The following TBPL2 variants were observed in gnomAD, a reference collection of about 807,000 sequenced individuals.
The protein encoded by TBPL2 is TATA box-binding protein-like 2.
A neutral mutation model predicts 38.2 loss-of-function variants in TBPL2; 40 were observed. The ratio of observed to expected loss-of-function variants is 1.05; its 90% confidence interval spans 0.81 to 1.36. The LOEUF is 1.36. Ranked by LOEUF, TBPL2 falls within the 40% of genes most tolerant of loss-of-function variation. The pLI is 0.00. For missense variants in TBPL2, 461 were observed against 456.7 expected (o/e 1.01, Z -0.09); for synonymous variants, 169 against 171.7 (o/e 0.98, Z 0.12).
At chr14:55,424,082 A>T in intron 6 of TBPL2, 77 bp downstream of exon 6, 1 of 994,288 alleles carries the variant, frequency 1.0e-6, no homozygotes. Context: ...ATGGTGAACA[A>T]AGGTATTTAA....
At chr14:55,439,352 G>C (rs1435252874) in intron 1 of TBPL2, among the ~76,000 whole-genome samples, 1 of 151,566 alleles carries the variant, frequency 6.6e-6, no homozygotes. Context: ...CTCCACCAGA[G>C]ACTTGACTTC....
intron 6 of TBPL2, among the ~76,000 whole-genome samples, chr14:55,417,939 A>G (rs949736576): frequency 6.6e-6 from 1 of 152,208 alleles, no homozygotes; most frequent in Non-Finnish European, 1.5e-5. Flanking sequence ...CAGGAAAATA[A>G]ATTACTTAAC....
At chr14:55,436,507 G>A in intron 2 of TBPL2, 54 bp downstream of exon 2, 1 of 1,451,810 alleles carries the variant, frequency 6.9e-7, no homozygotes, top group Non-Finnish European at 9.6e-7. Context: ...ATCGCATTCA[G>A]GAATATAAAA....
intron 6 of TBPL2, among the ~76,000 whole-genome samples, chr14:55,418,375 G>C (rs1207785840): frequency 6.6e-6 from 1 of 152,180 alleles, no homozygotes; most frequent in African/African-American, 2.4e-5. Context: ...ATACTACGTG[G>C]ATTTTCCAGT....
intron 2 of TBPL2, 108 bp from the exon 3 acceptor site, chr14:55,436,042 G>A (rs1165550982): frequency 2.9e-5 from 18 of 620,940 alleles, no homozygotes; most frequent in Admixed American, 2.6e-4. Flanking sequence ...AATTTCCTAG[G>A]GGGAGAATTA....
chr14:55,429,780 A>AG (rs1885894680), intron 4 of TBPL2, among the ~76,000 whole-genome samples: 1 of 151,108 alleles, frequency 6.6e-6, no homozygotes, highest in African/African-American at 2.4e-5. Flanking sequence ...AAAAAAAAAA[A>AG]AAAAAAAAAG....
At chr14:55,428,960 C>T (rs769939725) in exon 5 of TBPL2, 8 of 1,614,038 alleles carry the variant, frequency 5.0e-6, no homozygotes, top group South Asian at 4.4e-5. Flanking sequence ...TGCTGCAAGT[C>T]GAGACTGCTC....
intron 4 of TBPL2, among the ~76,000 whole-genome samples, chr14:55,429,720 C>G (rs372477687): frequency 1.5e-5 from 2 of 137,496 alleles, no homozygotes; most frequent in African/African-American, 2.7e-5. Flanking sequence ...GAGCTGAGAT[C>G]GCGCCATTGC....
intron 4 of TBPL2, among the ~76,000 whole-genome samples, chr14:55,432,642 A>C (rs928028339): frequency 3.9e-5 from 6 of 152,244 alleles, no homozygotes; most frequent in Admixed American, 6.5e-5. Flanking sequence ...AAACAATGTA[A>C]CTTTTTGTCA....
chr14:55,440,068 C>G (rs1886086166), intron 1 of TBPL2, among the ~76,000 whole-genome samples: 1 of 152,038 alleles, frequency 6.6e-6, no homozygotes, highest in African/African-American at 2.4e-5. Context: ...CCACTGCACT[C>G]CAGCCTGGGC....
intron 5 of TBPL2, among the ~76,000 whole-genome samples, chr14:55,426,079 C>A: frequency 6.6e-6 from 1 of 151,878 alleles, no homozygotes; most frequent in East Asian, 1.9e-4. Context: ...CCAGCCTGGC[C>A]AATATGGTAA....
intron 5 of TBPL2, among the ~76,000 whole-genome samples, chr14:55,425,876 A>G (rs1885813473): frequency 6.6e-6 from 1 of 152,190 alleles, no homozygotes; most frequent in Non-Finnish European, 1.5e-5. Flanking sequence ...GACTATAGCT[A>G]TATTGCTTGC....
chr14:55,426,871 A>G (rs183210584), intron 5 of TBPL2, among the ~76,000 whole-genome samples: 16 of 152,364 alleles, frequency 1.1e-4, no homozygotes, highest in African/African-American at 3.6e-4. Context: ...AGGGGCACCT[A>G]TTCTAGACTT....
In TBPL2 at chr14:55,426,385, T is replaced by A. The variant is rs116108354; in HGVS notation, c.957-2132A>T. 8.6e-3 allele frequency among the ~76,000 whole-genome samples: 1,307 copies of A among 152,278 alleles called. 16 individuals carry two copies. The highest frequency in any genetic ancestry group is 0.03 in the African/African-American group (1,235 of 41,544). ...GTGCCTGGTAACAAAAGGAGATACT[T>A]GTATTATTAAATGTTGACATACAAA... is the stretch of plus-strand genomic sequence containing the variant. On this transcript the variant is annotated intron_variant, in intron 5 of 6. Transcript: ENST00000247219.
intron 1 of TBPL2, among the ~76,000 whole-genome samples, chr14:55,439,278 T>TAAAA (rs34693240): frequency 1.3e-3 from 168 of 133,874 alleles, no homozygotes; most frequent in African/African-American, 3.3e-3. Flanking sequence ...TAATTAACTT[T>TAAAA]AAAAAAAAAA....
chr14:55,428,211 G>A (rs1885863112), intron 5 of TBPL2, among the ~76,000 whole-genome samples: 1 of 132,876 alleles, frequency 7.5e-6, no homozygotes, highest in Non-Finnish European at 1.5e-5. Flanking sequence ...CTCACTGCAA[G>A]CTCCACCTCC....
At chr14:55,415,496 C>T (rs893116003) in intron 6 of TBPL2, among the ~76,000 whole-genome samples, 1 of 152,168 alleles carries the variant, frequency 6.6e-6, no homozygotes, top group African/African-American at 2.4e-5. Flanking sequence ...AAATACTACG[C>T]ACTTTCATTG....
intron 6 of TBPL2, among the ~76,000 whole-genome samples, chr14:55,415,845 G>A (rs903488638): frequency 6.6e-5 from 10 of 152,198 alleles, no homozygotes; most frequent in African/African-American, 1.4e-4. Flanking sequence ...CAGCCTGGGC[G>A]ACACAGCGAG....
At chr14:55,428,916 A>G in exon 5 of TBPL2, 4 of 1,614,114 alleles carry the variant, frequency 2.5e-6, no homozygotes, top group Non-Finnish European at 3.4e-6. Flanking sequence ...CTGGCAGGGA[A>G]CCCAAGCTTC....
Sources: allele counts gnomAD v4.1 joint callset (sites outside exome capture counted in the v4.1 genomes callset), GRCh38; gene constraint gnomAD v4.1.1; transcripts MANE v1.5; gene names NCBI Gene and HGNC (gene_info 2026-07-23, HGNC 2026-07-21).